Variants in LPP observed in about 807,000 individuals in gnomAD.
LPP encodes LIM domain containing preferred translocation partner in lipoma, also known as lipoma-preferred partner.
A neutral mutation model predicts 60.4 loss-of-function variants in LPP; 38 were observed. That is an observed-to-expected ratio of 0.63 (90% CI 0.49 to 0.83). The LOEUF is 0.83. Ranked by LOEUF, LPP falls within the 40% of genes least tolerant of loss-of-function variation. The probability of loss-of-function intolerance (pLI) is 0.00; values close to 1 mark genes in which losing one functional copy is unlikely to be tolerated. For missense variants in LPP, 902 were observed against 783.6 expected, an observed-to-expected ratio of 1.15 and a Z score of -1.80; for synonymous variants, 328 against 290.8, an observed-to-expected ratio of 1.13 and a Z score of -1.30.
At chr3:188,834,458 G>A (rs1757917795) in intron 9 of LPP, among the ~76,000 whole-genome samples, 1 of 151,126 alleles carries the variant, frequency 6.6e-6, no homozygotes, top group Non-Finnish European at 1.5e-5. Context: ...GTTCCATTGG[G>A]TGACTATTGC....
At chr3:188,321,854 A>G (rs995969720) in intron 2 of LPP, among the ~76,000 whole-genome samples, 16 of 152,200 alleles carry the variant, frequency 1.1e-4, no homozygotes, top group Admixed American at 5.9e-4. Context: ...GCTACCTTGT[A>G]TTTATGGTTG....
intron 7 of LPP, among the ~76,000 whole-genome samples, chr3:188,672,137 C>G (rs11716684): frequency 0.78 from 119,231 of 152,098 alleles, 51,163 homozygotes; most frequent in Non-Finnish European, 0.94. Context: ...AGAATTTAAG[C>G]AAGAACTGGG....
intron 8 of LPP, among the ~76,000 whole-genome samples, chr3:188,737,926 G>A (rs1723082843): frequency 1.3e-5 from 2 of 152,066 alleles, no homozygotes; most frequent in African/African-American, 4.8e-5. Flanking sequence ...TTCTGCTTAG[G>A]ATATGGCTTA....
intron 1 of LPP, among the ~76,000 whole-genome samples, chr3:188,190,930 A>G (rs540683820): frequency 2.6e-5 from 4 of 152,302 alleles, no homozygotes; most frequent in Admixed American, 2.0e-4. Context: ...ATGTGCCACC[A>G]TTTTTAAAAC....
intron 7 of LPP, among the ~76,000 whole-genome samples, chr3:188,658,284 A>G (rs1055199064): frequency 1.1e-4 from 17 of 152,096 alleles, no homozygotes; most frequent in Admixed American, 1.1e-3. Flanking sequence ...AGCTGGGATT[A>G]CAGGCACCTG....
chr3:188,867,045 G>C (rs944166177), intron 10 of LPP, among the ~76,000 whole-genome samples: 3 of 151,972 alleles, frequency 2.0e-5, no homozygotes, highest in Admixed American at 6.6e-5. Flanking sequence ...CTTTTGAGGA[G>C]GATTAAAAAA....
intron 6 of LPP, among the ~76,000 whole-genome samples, chr3:188,558,433 C>T (rs921594230): frequency 3.3e-5 from 5 of 152,032 alleles, no homozygotes; most frequent in African/African-American, 4.8e-5. Context: ...TTGCTGTACA[C>T]GTTTCTTTTG....
chr3:188,191,834 A>G (rs1316372522), intron 1 of LPP, among the ~76,000 whole-genome samples: 1 of 152,168 alleles, frequency 6.6e-6, no homozygotes, highest in Non-Finnish European at 1.5e-5. Flanking sequence ...AAGCATATAA[A>G]TCAATGTTGA....
At chr3:188,262,088 C>T (rs1577661604) in intron 2 of LPP, among the ~76,000 whole-genome samples, 1 of 152,266 alleles carries the variant, frequency 6.6e-6, no homozygotes, top group African/African-American at 2.4e-5. Context: ...GCATGGGATT[C>T]GGCTCTCTCC....
chr3:188,216,659 G>C (rs1157726633), intron 1 of LPP, among the ~76,000 whole-genome samples: 1 of 152,178 alleles, frequency 6.6e-6, no homozygotes, highest in Admixed American at 6.5e-5. Flanking sequence ...GGAGGTTACT[G>C]TTGATGACAG....
intron 7 of LPP, among the ~76,000 whole-genome samples, chr3:188,699,100 G>A (rs1863865206): frequency 6.6e-6 from 1 of 152,150 alleles, no homozygotes; most frequent in African/African-American, 2.4e-5. Context: ...TTCTTCATAT[G>A]AATCAGATAT....
intron 2 of LPP, among the ~76,000 whole-genome samples, chr3:188,266,749 C>A (rs1361421721): frequency 6.6e-6 from 1 of 152,016 alleles, no homozygotes; most frequent in African/African-American, 2.4e-5. Context: ...TATTGCCATG[C>A]GGGTGGCTCT....
At chr3:188,279,950 T>A (rs1560193916) in intron 2 of LPP, among the ~76,000 whole-genome samples, 1 of 152,244 alleles carries the variant, frequency 6.6e-6, no homozygotes, top group African/African-American at 2.4e-5. Flanking sequence ...TCCTCTTTCC[T>A]ACCTGAGCCA....
chr3:188,614,214 CCCA>C (rs138854633), intron 7 of LPP, among the ~76,000 whole-genome samples: 4,314 of 152,166 alleles, frequency 0.028, 191 homozygotes, highest in African/African-American at 0.099. Flanking sequence ...CAGGTGTGAT[CCCA>C]CCATGCCCAG....
chr3:188,657,115 A>G (rs1037452119), intron 7 of LPP, among the ~76,000 whole-genome samples: 2 of 151,826 alleles, frequency 1.3e-5, no homozygotes, highest in African/African-American at 4.8e-5. Context: ...TAGGTATTTT[A>G]TTAATTGCTG....
intron 1 of LPP, among the ~76,000 whole-genome samples, chr3:188,166,539 A>G (rs1000131300): frequency 6.6e-6 from 1 of 152,212 alleles, no homozygotes; most frequent in Non-Finnish European, 1.5e-5. Flanking sequence ...ATTACAGGTA[A>G]ATCATACCAG....
At chr3:188,231,291 A>C (rs1719864491) in intron 2 of LPP, among the ~76,000 whole-genome samples, 1 of 152,208 alleles carries the variant, frequency 6.6e-6, no homozygotes, top group Non-Finnish European at 1.5e-5. Flanking sequence ...CAGATTCCCC[A>C]GGTTTACATG....
At chr3:188,777,515 C>T (rs1244143897) in intron 9 of LPP, among the ~76,000 whole-genome samples, 2 of 152,084 alleles carry the variant, frequency 1.3e-5, no homozygotes, top group Non-Finnish European at 2.9e-5. Flanking sequence ...TTTTAAGTGC[C>T]ATAATGGGTC....
intron 6 of LPP, among the ~76,000 whole-genome samples, chr3:188,536,493 T>C (rs2150336141): frequency 6.6e-6 from 1 of 152,364 alleles, no homozygotes; most frequent in East Asian, 1.9e-4. Context: ...TGTCTAAATC[T>C]AAGTCATGCT....
Sources: allele counts gnomAD v4.1 joint callset (sites outside exome capture counted in the v4.1 genomes callset), GRCh38; gene constraint gnomAD v4.1.1; transcripts MANE v1.5; gene names NCBI Gene and HGNC (gene_info 2026-07-23, HGNC 2026-07-21).